The following DNMT3B variants were observed in gnomAD, a reference collection of about 807,000 sequenced individuals.
The protein encoded by DNMT3B is DNA (cytosine-5)-methyltransferase 3B.
DNMT3B carries 37 observed loss-of-function variants against 120.2 expected under a neutral mutation model. The observed-to-expected ratio is 0.31, with a 90% CI of 0.24 to 0.40. DNMT3B has a LOEUF of 0.40. DNMT3B is among the 10% of genes least tolerant of loss of function. The probability of loss-of-function intolerance (pLI) is 1.00; values close to 1 mark genes in which losing one functional copy is unlikely to be tolerated. For synonymous variants in DNMT3B, 412 were observed against 442.8 expected (o/e 0.93, Z 0.87); for missense variants, 878 against 1,137.3 (o/e 0.77, Z 3.28).
chr20:32,784,767 G>A lies in DNMT3B; in HGVS notation c.214G>A (p.Gly72Ser). 6.2e-7 allele frequency: 1 copy of A among 1,614,110 alleles called. No homozygotes were observed. Among genetic ancestry groups the A allele is most frequent in the Non-Finnish European group, 8.5e-7 (1 of 1,180,018 alleles). ...ATGTTTCCTTATAAAGGACTTGACA[G>A]GCGATGGCGACGGGGAAGATGGGGA... Reference protein sequence around the residue: ...SLLSYTQDLTGDGDGEDGDGS... With the variant: ...SLLSYTQDLTSDGDGEDGDGS... Residue 72 changes from glycine to serine, a missense_variant, in exon 4 of 23, where the codon GGC (glycine) becomes AGC (serine). Transcript: ENST00000328111.
At chr20:32,783,170 A>T (rs2300418) in intron 3 of DNMT3B, among the ~76,000 whole-genome samples, 3,237 of 152,168 alleles carry the variant, frequency 0.021, 67 homozygotes, top group East Asian at 0.12. Flanking sequence ...CAAGTGAGCC[A>T]CCTGTCCCGG....
Position 32,762,617 on chromosome 20 carries a change from C to T in DNMT3B, c.-89C>T, listed in dbSNP as rs933488988. ...GGAGATTCGCGAGCCCAGCGCCCTG[C>T]ACGGCCGCCAGCCGGCCTCCCGCCA... On this transcript the variant is annotated 5_prime_UTR_variant, in exon 1 of 23. Transcript: ENST00000328111. 2.1e-5 allele frequency: 6 copies of T among 286,648 alleles called. No individual in the cohort carries two copies. Among genetic ancestry groups the T allele is most frequent in the South Asian group, 1.1e-4 (4 of 35,854 alleles). The allele number at this position is 286,648 out of a possible 1,614,324, so 17.8% of individuals were successfully genotyped here.
intron 1 of DNMT3B, among the ~76,000 whole-genome samples, chr20:32,777,079 A>G (rs780046819): frequency 6.6e-6 from 1 of 152,202 alleles, no homozygotes; most frequent in Non-Finnish European, 1.5e-5. Context: ...ATAAAAACAG[A>G]AGGAATTTTA....
At chr20:32,774,252 T>C (rs1295165095) in intron 1 of DNMT3B, among the ~76,000 whole-genome samples, 1 of 151,628 alleles carries the variant, frequency 6.6e-6, no homozygotes, top group African/African-American at 2.4e-5. Flanking sequence ...CTCTGTCACC[T>C]AGGCTGGAGT....
chr20:32,801,557 T>G, intron 19 of DNMT3B, 131 bp downstream of exon 19: 1 of 1,247,680 alleles, frequency 8.0e-7, no homozygotes, highest in East Asian at 2.5e-5. Flanking sequence ...GATCCAATAG[T>G]GAGGGATTCA....
chr20:32,765,422 C>CTTTTTTTTTT (rs201623266), intron 1 of DNMT3B, among the ~76,000 whole-genome samples: 5 of 121,298 alleles, frequency 4.1e-5, no homozygotes, highest in South Asian at 2.7e-4. Context: ...CTCTTTTTTT[C>CTTTTTTTTTT]TTTCTTTTTT....
intron 15 of DNMT3B, among the ~76,000 whole-genome samples, chr20:32,799,029 G>T (rs964223502): frequency 1.3e-5 from 2 of 152,144 alleles, no homozygotes; most frequent in Non-Finnish European, 2.9e-5. Context: ...TACATATCTG[G>T]CTCATGTCCA....
chr20:32,807,499 T>C (rs917418313), intron 22 of DNMT3B, among the ~76,000 whole-genome samples: 12 of 152,208 alleles, frequency 7.9e-5, no homozygotes, highest in African/African-American at 2.9e-4. Flanking sequence ...TTAGTATGCA[T>C]GCATTTATTC....
At position 32,793,552 on chromosome 20, in the gene DNMT3B, G is replaced by C. The variant is rs759545374; in HGVS notation, c.1083G>C (p.Lys361Asn). The C allele has an allele frequency of 6.2e-7, 1 of 1,614,218 alleles. No individual in the cohort carries two copies. The highest frequency in any genetic ancestry group is 1.7e-5 in the Admixed American group (1 of 60,030). The change falls in exon 10 of 23, where the codon AAG becomes AAC. Residue 361 changes from lysine to asparagine, a missense_variant. Lys to Asn is a moderately conservative substitution (Grantham distance 94, BLOSUM62 0). Coordinates refer to ENST00000328111, the MANE Select transcript of DNMT3B (RefSeq NM_006892.4). ...CCTCAAAAGTGGTTAATAAGTCGAAGGTGCGTCGTGCAGGCAGTAGGAAAT... is the reference window on the plus strand; with the variant it reads ...CCTCAAAAGTGGTTAATAAGTCGAACGTGCGTCGTGCAGGCAGTAGGAAAT... The part of the protein sequence containing the change: ...NNTQPVVNKS[K>N]VRRAGSRKLE...
chr20:32,786,261 G>A (rs1181193942), intron 4 of DNMT3B, among the ~76,000 whole-genome samples: 1 of 152,246 alleles, frequency 6.6e-6, no homozygotes, highest in Non-Finnish European at 1.5e-5. Flanking sequence ...GACAGGCAGA[G>A]CAGGACCTGC....
chr20:32,796,334 T>G (rs1030483801), intron 12 of DNMT3B, among the ~76,000 whole-genome samples: 1 of 152,238 alleles, frequency 6.6e-6, no homozygotes, highest in Admixed American at 6.5e-5. Flanking sequence ...AACTCCATGC[T>G]GACCTGGTGA....
chr20:32,776,567 C>T (rs1190245677), intron 1 of DNMT3B, among the ~76,000 whole-genome samples: 3 of 152,168 alleles, frequency 2.0e-5, no homozygotes, highest in South Asian at 4.1e-4. Context: ...ATGTTATTTA[C>T]TTTCCCTATA....
chr20:32,772,874 A>G (rs111619844), intron 1 of DNMT3B, among the ~76,000 whole-genome samples: 42 of 129,384 alleles, frequency 3.2e-4, no homozygotes, highest in African/African-American at 1.2e-3. Context: ...GTTTGGACAC[A>G]TTTTTTTTTT....
rs1189341990 is a variant in DNMT3B, at chr20:32,807,865, C to T, written c.2524C>T (p.Leu842Phe). The change falls in exon 23 of 23, where the codon CTC becomes TTC. Residue 842 changes from leucine to phenylalanine, a missense_variant. Coordinates refer to ENST00000328111, the MANE Select transcript of DNMT3B (RefSeq NM_006892.4). ...CTGGAGCGTGCCTGTCATCCGACAC[C>T]TCTTCGCCCCTCTGAAGGACTACTT... ...RSWSVPVIRH[L>F]FAPLKDYFAC... The T allele has an allele frequency of 6.2e-7, 1 of 1,614,232 alleles. No homozygotes were observed. Among genetic ancestry groups the T allele is most frequent in the Middle Eastern group, 1.6e-4 (1 of 6,062 alleles).
intron 20 of DNMT3B, among the ~76,000 whole-genome samples, chr20:32,803,678 G>A (rs1009285028): frequency 6.6e-6 from 1 of 152,168 alleles, no homozygotes. Context: ...TCATTCTAGC[G>A]AAGGTCCTAA....
intron 6 of DNMT3B, among the ~76,000 whole-genome samples, chr20:32,787,690 TC>T (rs1292893022): frequency 6.6e-6 from 1 of 152,196 alleles, no homozygotes; most frequent in Non-Finnish European, 1.5e-5. Context: ...CTGTGGTTTT[TC>T]CCAACATGAC....
intron 20 of DNMT3B, among the ~76,000 whole-genome samples, chr20:32,803,193 A>G (rs1981566044): frequency 6.6e-6 from 1 of 152,248 alleles, no homozygotes; most frequent in Non-Finnish European, 1.5e-5. Flanking sequence ...GAAAGCCACA[A>G]AGCAGCTTTG....
chr20:32,792,881 G>A, intron 9 of DNMT3B, 111 bp downstream of exon 9: 1 of 1,496,782 alleles, frequency 6.7e-7, no homozygotes, highest in South Asian at 1.2e-5. Context: ...CTAGCAGCTG[G>A]TCTCAACTCT....
At chr20:32,770,263 C>T (rs1395673883) in intron 1 of DNMT3B, among the ~76,000 whole-genome samples, 1 of 152,030 alleles carries the variant, frequency 6.6e-6, no homozygotes, top group Non-Finnish European at 1.5e-5. Context: ...CAGGTGCCCG[C>T]CACCTCATCA....
Sources: gnomAD v4.1 joint callset for allele counts (sites outside exome capture counted in the v4.1 genomes callset) on GRCh38, gnomAD v4.1.1 for gene constraint, MANE v1.5 for transcripts, NCBI Gene and HGNC (gene_info 2026-07-23, HGNC 2026-07-21) for gene names.